Variants in USP10 observed in about 807,000 individuals in gnomAD.
USP10 encodes ubiquitin carboxyl-terminal hydrolase 10.
A neutral mutation model predicts 84.5 loss-of-function variants in USP10; 22 were observed. The observed-to-expected ratio is 0.26, with a 90% CI of 0.19 to 0.37. The LOEUF is 0.37. Ranked by LOEUF, USP10 falls within the 10% of genes least tolerant of loss-of-function variation. The pLI is 1.00. For missense variants in USP10, 1,019 were observed against 998.9 expected, an observed-to-expected ratio of 1.02 and a Z score of -0.27; for synonymous variants, 454 against 387.6, an observed-to-expected ratio of 1.17 and a Z score of -2.01.
intron 12 of USP10, 57 bp from the exon 13 acceptor site, chr16:84,775,103 G>A (rs1255628865): frequency 6.7e-7 from 1 of 1,499,296 alleles, no homozygotes; most frequent in Non-Finnish European, 9.3e-7. Flanking sequence ...ATTTTCTGCT[G>A]CTGTTACCCT....
At chr16:84,776,429 C>G (rs777743168) in intron 13 of USP10, among the ~76,000 whole-genome samples, 1 of 152,228 alleles carries the variant, frequency 6.6e-6, no homozygotes, top group African/African-American at 2.4e-5. Context: ...CTTTTCTCCC[C>G]CCGATCACAA....
At chr16:84,754,076 G>A (rs1456549205) in intron 4 of USP10, among the ~76,000 whole-genome samples, 1 of 152,162 alleles carries the variant, frequency 6.6e-6, no homozygotes, top group African/African-American at 2.4e-5. Flanking sequence ...CAGTTGAAGT[G>A]TGAGAGTCTT....
chr16:84,715,547 C>G (rs969360542), intron 1 of USP10, among the ~76,000 whole-genome samples: 3 of 152,168 alleles, frequency 2.0e-5, no homozygotes, highest in African/African-American at 7.2e-5. Context: ...GGTGACCTTA[C>G]TACTTTATAT....
At chr16:84,726,848 C>T (rs1908554018) in intron 1 of USP10, among the ~76,000 whole-genome samples, 1 of 152,252 alleles carries the variant, frequency 6.6e-6, no homozygotes, top group South Asian at 2.1e-4. Context: ...GCCGTCCCGC[C>T]CCTGGGCATT....
intron 2 of USP10, among the ~76,000 whole-genome samples, chr16:84,739,272 TG>T: frequency 6.7e-6 from 1 of 150,162 alleles, no homozygotes; most frequent in African/African-American, 2.5e-5. Flanking sequence ...TTTTTTGTTT[TG>T]TTTTGTTTTG....
At chr16:84,721,181 C>T (rs182033297) in intron 1 of USP10, among the ~76,000 whole-genome samples, 2 of 152,098 alleles carry the variant, frequency 1.3e-5, no homozygotes, top group African/African-American at 4.8e-5. Context: ...TGTGAGCCAC[C>T]ATGCCCGGCA....
At chr16:84,729,186 C>CA (rs35820091) in intron 1 of USP10, among the ~76,000 whole-genome samples, 1 of 152,208 alleles carries the variant, frequency 6.6e-6, no homozygotes, top group Non-Finnish European at 1.5e-5. Context: ...TTGTTAAATA[C>CA]AAAAATGATG....
In USP10 at chr16:84,730,095, G is replaced by A. The variant is rs538844826; in HGVS notation, c.22-3340G>A. ...CTCCCAAGAAAACCCTCCAAAAAAC[G>A]TGCTAGGAAATCCCCTCCACTCCTG... On this transcript the variant is annotated intron_variant, in intron 1 of 13. Coordinates refer to ENST00000219473, the MANE Select transcript of USP10 (RefSeq NM_005153.3). 1.2e-4 allele frequency among the ~76,000 whole-genome samples: 19 copies of A among 152,092 alleles called. No homozygotes were observed. In the South Asian group the frequency reaches 3.5e-3, roughly 28 times the overall value.
At chr16:84,700,230 T>A in intron 1 of USP10, 119 bp downstream of exon 1, 1 of 810,378 alleles carries the variant, frequency 1.2e-6, no homozygotes, top group Non-Finnish European at 1.6e-6. Flanking sequence ...GGGAGGGCGC[T>A]GGGACACGCT....
intron 4 of USP10, among the ~76,000 whole-genome samples, chr16:84,756,419 C>G (rs562090616): frequency 2.0e-5 from 3 of 152,108 alleles, no homozygotes; most frequent in Admixed American, 6.5e-5. Context: ...ATGGTGAAAT[C>G]CTGTCTCTCC....
At position 84,745,520 on chromosome 16, in the gene USP10, C is replaced by G. The variant is rs1911121841; in HGVS notation, c.1039C>G (p.His347Asp). ...SQPKSWASLF[H>D]DSKPSSSSPV... ...GCCCAAGTCCTGGGCCAGCCTCTTT[C>G]ATGATTCTAAGCCCTCTTCCTCCTC... is the stretch of plus-strand genomic sequence containing the variant. Residue 347 changes from histidine to aspartate, a missense_variant, in exon 4 of 14, where the codon CAT (histidine) becomes GAT (aspartate). Around this residue, in one of 2 missense-constraint regions of USP10, gnomAD observed 787 missense variants for 708.8 expected, o/e 1.11. Coordinates refer to ENST00000219473, the MANE Select transcript of USP10 (RefSeq NM_005153.3). 2 of 1,613,518 alleles carry G rather than the reference C, an allele frequency of 1.2e-6. No homozygotes were observed. The highest frequency in any genetic ancestry group is 1.1e-5 in the South Asian group (1 of 91,012).
At chr16:84,772,130 C>T (rs1439164511) in intron 11 of USP10, among the ~76,000 whole-genome samples, 1 of 152,094 alleles carries the variant, frequency 6.6e-6, no homozygotes, top group Admixed American at 6.6e-5. Flanking sequence ...TAGCTCACTG[C>T]AACGTCTACC....
chr16:84,740,426 G>C, intron 3 of USP10, 57 bp downstream of exon 3: 3 of 1,416,224 alleles, frequency 2.1e-6, no homozygotes, highest in Non-Finnish European at 3.0e-6. Flanking sequence ...GTGCTGGGTG[G>C]GCAGGCTACC....
chr16:84,770,502 G>A (rs373097833), intron 11 of USP10, among the ~76,000 whole-genome samples: 1 of 152,174 alleles, frequency 6.6e-6, no homozygotes, highest in African/African-American at 2.4e-5. Context: ...GCTGGGCGAG[G>A]TGGCTCACAC....
chr16:84,715,556 A>G (rs1906901806), intron 1 of USP10, among the ~76,000 whole-genome samples: 1 of 152,186 alleles, frequency 6.6e-6, no homozygotes, highest in Admixed American at 6.5e-5. Context: ...ACTACTTTAT[A>G]TGAATCCTCT....
At chr16:84,771,607 G>A (rs1036555866) in intron 11 of USP10, among the ~76,000 whole-genome samples, 2 of 152,212 alleles carry the variant, frequency 1.3e-5, no homozygotes, top group African/African-American at 2.4e-5. Flanking sequence ...GGTGGCTCAC[G>A]CCTGTAATCT....
Position 84,779,235 on chromosome 16 carries a change from T to A in USP10, c.*153T>A. The A allele has an allele frequency of 1.3e-6, 1 of 789,266 alleles. No individual in the cohort carries two copies. The allele number at this position is 789,266 out of a possible 1,614,324, so 48.9% of individuals were successfully genotyped here. On this transcript the variant is annotated 3_prime_UTR_variant, in exon 14 of 14. Coordinates refer to ENST00000219473, the MANE Select transcript of USP10 (RefSeq NM_005153.3). The stretch of plus-strand genomic sequence containing the variant: ...TGAAAAGGAGATGCCTTGGGGTTCG[T>A]GCACAACACAGCTTCTGTTGACTCT...
intron 4 of USP10, among the ~76,000 whole-genome samples, chr16:84,749,749 C>A (rs111840816): frequency 9.7e-4 from 147 of 152,142 alleles, no homozygotes; most frequent in Middle Eastern, 3.4e-3. Context: ...GGCAGATGGA[C>A]TAAAAGAATC....
At chr16:84,769,246 G>T (rs1457601133) in intron 11 of USP10, among the ~76,000 whole-genome samples, 1 of 152,188 alleles carries the variant, frequency 6.6e-6, no homozygotes, top group African/African-American at 2.4e-5. Context: ...GACTGGGATG[G>T]ATCTATCCTT....
Sources: allele counts gnomAD v4.1 joint callset (sites outside exome capture counted in the v4.1 genomes callset), GRCh38; gene constraint gnomAD v4.1.1; regional missense constraint gnomAD v4.1.1; transcripts MANE v1.5; gene names NCBI Gene and HGNC (gene_info 2026-07-23, HGNC 2026-07-21).